ADAD1: variants seen among roughly 807,000 people sequenced by gnomAD.
ADAD1 encodes the protein adenosine deaminase domain containing 1, also known as adenosine deaminase domain-containing protein 1.
In ADAD1, 46 loss-of-function variants were observed where a neutral mutation model predicts 66.8. The ratio of observed to expected loss-of-function variants is 0.69; its 90% confidence interval spans 0.54 to 0.88. The LOEUF is 0.88. ADAD1 is among the 40% of genes least tolerant of loss of function. The probability of loss-of-function intolerance (pLI) is 0.00; values close to 1 mark genes in which losing one functional copy is unlikely to be tolerated. For synonymous variants in ADAD1, 248 were observed against 229.4 expected, an observed-to-expected ratio of 1.08 and a Z score of -0.73; for missense variants, 617 against 681.8, an observed-to-expected ratio of 0.91 and a Z score of 1.06.
At chr4:122,420,269 C>T (rs779060849) in intron 11 of ADAD1, among the ~76,000 whole-genome samples, 1 of 152,198 alleles carries the variant, frequency 6.6e-6, no homozygotes, top group Non-Finnish European at 1.5e-5. Flanking sequence ...ATTGTTACTA[C>T]TTGGAAGTTC....
At position 122,429,633 on chromosome 4, in the gene ADAD1, C is replaced by T; in HGVS notation, c.1625C>T (p.Ser542Phe). The change falls in exon 13 of 13, where the codon TCT becomes TTT. Residue 542 changes from serine (S) to phenylalanine (F), a missense_variant. Physicochemically the swap from Ser to Phe is radical, Grantham distance 155. Transcript: ENST00000296513. ...TTTTTCTTTCTTCTCTAGTGTATGT[C>T]TGCCTCCTATCAAGAAGCTAAATGT... ...AGTYHAAKCM[S>F]ASYQEAKCKL... 1.2e-6 allele frequency: 2 copies of T among 1,606,950 alleles called. No homozygotes were observed.
chr4:122,412,573 T>C lies in ADAD1; in HGVS notation c.1020-7T>C. 1 of 1,608,126 alleles carries C rather than the reference T, an allele frequency of 6.2e-7. No homozygotes were observed. Among genetic ancestry groups the C allele is most frequent in the Non-Finnish European group, 8.5e-7 (1 of 1,177,452 alleles). On this transcript the variant is annotated splice_polypyrimidine_tract_variant and splice_region_variant and intron_variant, in intron 9 of 12. Coordinates refer to ENST00000296513, the MANE Select transcript of ADAD1 (RefSeq NM_139243.4). ...TTAAAGGAAGAAACTTTCTTTTCTT[T>C]CTCTAGACGTCTTAATCCACATTCT...
intron 7 of ADAD1, among the ~76,000 whole-genome samples, chr4:122,407,610 TAGAA>T (rs896653064): frequency 2.6e-5 from 4 of 152,132 alleles, no homozygotes; most frequent in African/African-American, 9.7e-5. Context: ...GTAGAAGAAA[TAGAA>T]AGCGATATTT....
At chr4:122,422,569 C>G (rs1797051181) in intron 12 of ADAD1, among the ~76,000 whole-genome samples, 2 of 152,140 alleles carry the variant, frequency 1.3e-5, no homozygotes, top group Admixed American at 1.3e-4. Context: ...TGTATAATTA[C>G]AGCCTGTAAA....
At chr4:122,428,118 A>C (rs1797339680) in intron 12 of ADAD1, among the ~76,000 whole-genome samples, 1 of 152,168 alleles carries the variant, frequency 6.6e-6, no homozygotes, top group Non-Finnish European at 1.5e-5. Flanking sequence ...CATACACAAA[A>C]ATTAACTCAA....
At chr4:122,421,198 A>C in intron 11 of ADAD1, 63 bp from the exon 12 acceptor site, 1 of 1,325,072 alleles carries the variant, frequency 7.5e-7, no homozygotes, top group South Asian at 1.8e-5. Context: ...ATTTTAATCT[A>C]TACAATTGCC....
chr4:122,422,106 T>TATGAC (rs1482837253), intron 12 of ADAD1, among the ~76,000 whole-genome samples: 56 of 150,408 alleles, frequency 3.7e-4, no homozygotes, highest in African/African-American at 1.2e-3. Flanking sequence ...TTCTATGTGA[T>TATGAC]ATGACATGAA....
At chr4:122,416,622 A>G (rs574940860) in intron 11 of ADAD1, among the ~76,000 whole-genome samples, 19 of 152,098 alleles carry the variant, frequency 1.2e-4, no homozygotes, top group Non-Finnish European at 2.4e-4. Context: ...AGTTCCAGCT[A>G]TTTGGGAGGC....
intron 10 of ADAD1, among the ~76,000 whole-genome samples, chr4:122,414,586 C>T (rs1371156314): frequency 4.6e-5 from 7 of 151,960 alleles, no homozygotes; most frequent in Non-Finnish European, 2.9e-5. Flanking sequence ...ATAATGCAGC[C>T]CTAGTAACTA....
In ADAD1 at chr4:122,379,419, G is replaced by A. The variant is rs547547134; in HGVS notation, c.-35G>A. ...GCTGCACGACGCTGGCGCAAGCGCG[G>A]GGGCAAGAGCGCCGGCCTCCGAGAC... On this transcript the variant is annotated 5_prime_UTR_variant, in exon 2 of 13. Coordinates refer to ENST00000296513, the MANE Select transcript of ADAD1 (RefSeq NM_139243.4). 2 of 152,476 alleles carry A rather than the reference G, an allele frequency of 1.3e-5. No individual in the cohort carries two copies. The highest frequency in any genetic ancestry group is 2.9e-5 in the Non-Finnish European group (2 of 68,114). The allele number at this position is 152,476 out of a possible 1,614,324, so 9.4% of individuals were successfully genotyped here. A position where few individuals can be genotyped will look rare whatever the true frequency, so the allele number is the denominator to read the frequency against.
rs1056064530 is a variant in ADAD1, at chr4:122,414,364, C to T, written c.1250-1015C>T. Among the ~76,000 whole-genome samples, 10 of 148,284 alleles carry T rather than the reference C, an allele frequency of 6.7e-5. No homozygotes were observed. The Admixed American group carries it at 6.9e-4, about 10-fold the overall frequency. ...TTAAAAATCCTTATTATCTACTGTT[C>T]ATTGTAGATATATTAACTATTCCTC... On this transcript the variant is annotated intron_variant, in intron 10 of 12. Transcript: ENST00000296513.
rs190076262 is a variant in ADAD1 at position 122,388,574 on chromosome 4, A to T, written c.529+4608A>T. Among the ~76,000 whole-genome samples the T allele has an allele frequency of 2.5e-3, 379 of 152,060 alleles. 1 individual carries two copies. The highest frequency in any genetic ancestry group is 0.014 in the Middle Eastern group (4 of 294). On this transcript the variant is annotated intron_variant, in intron 5 of 12. Coordinates refer to ENST00000296513, the MANE Select transcript of ADAD1 (RefSeq NM_139243.4). ...TGTTATTGGTCTATTCAGGGATTTG[A>T]CTTCTTCCTCGTTTAGTCTTGGGAG... is the stretch of plus-strand genomic sequence containing the variant.
intron 5 of ADAD1, 59 bp from the exon 6 acceptor site, chr4:122,393,526 GAAAT>G (rs1795553253): frequency 4.9e-6 from 7 of 1,435,886 alleles, no homozygotes; most frequent in Non-Finnish European, 5.6e-6. Context: ...CAGAATAAAA[GAAAT>G]ACCAGCTCTT....
intron 5 of ADAD1, among the ~76,000 whole-genome samples, chr4:122,388,671 A>G (rs1795292649): frequency 6.6e-6 from 1 of 152,164 alleles, no homozygotes; most frequent in Admixed American, 6.5e-5. Context: ...TGTTTGTAGC[A>G]TTCTCTGATG....
At chr4:122,420,006 ATTTTACTGGAG>A (rs572128574) in intron 11 of ADAD1, among the ~76,000 whole-genome samples, 130 of 152,306 alleles carry the variant, frequency 8.5e-4, no homozygotes, top group Middle Eastern at 3.4e-3. Context: ...GTTACTCAGC[ATTTTACTGGAG>A]GCATTAATAC....
chr4:122,407,660 G>A (rs1796278001), intron 7 of ADAD1, among the ~76,000 whole-genome samples: 1 of 152,084 alleles, frequency 6.6e-6, no homozygotes, highest in Non-Finnish European at 1.5e-5. Context: ...CATTGATCAT[G>A]GTAAAGATTT....
chr4:122,404,675 G>A (rs1362844178), intron 7 of ADAD1, among the ~76,000 whole-genome samples: 1 of 152,128 alleles, frequency 6.6e-6, no homozygotes, highest in Admixed American at 6.5e-5. Flanking sequence ...GTTCATCCAA[G>A]TGGAAGCTGC....
chr4:122,429,449 G>T (rs1167884686), intron 12 of ADAD1, among the ~76,000 whole-genome samples, 177 bp from the exon 13 acceptor site: 2 of 151,174 alleles, frequency 1.3e-5, no homozygotes, highest in Non-Finnish European at 2.9e-5. Flanking sequence ...GAGAATAATT[G>T]CTCTTTAGGA....
intron 8 of ADAD1, among the ~76,000 whole-genome samples, chr4:122,408,897 C>T (rs111432369): frequency 2.6e-5 from 4 of 151,080 alleles, no homozygotes; most frequent in Non-Finnish European, 5.9e-5. Flanking sequence ...AAAAAAAAAT[C>T]CTACAATATA....
Sources: gnomAD v4.1 joint callset for allele counts (sites outside exome capture counted in the v4.1 genomes callset) on GRCh38, gnomAD v4.1.1 for gene constraint, MANE v1.5 for transcripts, NCBI Gene and HGNC (gene_info 2026-07-23, HGNC 2026-07-21) for gene names.